Variants in SPAG16 observed in about 807,000 individuals in gnomAD.
SPAG16 encodes the protein sperm associated antigen 16.
Under a neutral mutation model 80.4 loss-of-function variants are expected in SPAG16, and 86 were observed. The ratio of observed to expected loss-of-function variants is 1.07; its 90% confidence interval spans 0.90 to 1.28. The LOEUF (loss-of-function observed/expected upper bound fraction) is 1.28. SPAG16 is among the 50% of genes most tolerant of loss of function. The pLI, the probability that SPAG16 is intolerant of heterozygous loss-of-function variation, is 0.00. For missense variants in SPAG16, 870 were observed against 765.3 expected, an observed-to-expected ratio of 1.14 and a Z score of -1.61; for synonymous variants, 294 against 265.9, an observed-to-expected ratio of 1.11 and a Z score of -1.03.
intron 10 of SPAG16, among the ~76,000 whole-genome samples, chr2:213,507,410 G>C (rs1378293939): frequency 6.6e-6 from 1 of 152,174 alleles, no homozygotes; most frequent in African/African-American, 2.4e-5. Flanking sequence ...AATATACTCA[G>C]AACGTTGTTC....
chr2:213,957,047 T>C (rs1170043005), intron 12 of SPAG16, among the ~76,000 whole-genome samples: 1 of 152,152 alleles, frequency 6.6e-6, no homozygotes, highest in Non-Finnish European at 1.5e-5. Flanking sequence ...GCCTAAAATA[T>C]GGTCTATCCT....
intron 10 of SPAG16, among the ~76,000 whole-genome samples, chr2:213,776,835 C>CCT (rs1559460237): frequency 7.9e-6 from 1 of 126,820 alleles, no homozygotes; most frequent in Non-Finnish European, 1.6e-5. Flanking sequence ...CACCCCCCCC[C>CCT]CACCCCAGGA....
At chr2:213,318,874 A>G in intron 5 of SPAG16, among the ~76,000 whole-genome samples, 1 of 152,018 alleles carries the variant, frequency 6.6e-6, no homozygotes, top group Middle Eastern at 3.4e-3. Context: ...TCTAACTTAA[A>G]AGAAAATTAC....
rs2045640797 is a variant in SPAG16 at position 213,980,280 on chromosome 2, ATAGAATATATGTGTGTATATATATTCTCT to A, written c.1401-33670_1401-33642del. Among the ~76,000 whole-genome samples the A allele has an allele frequency of 2.3e-4, 12 of 52,322 alleles. 3 individuals are homozygous for A. Among genetic ancestry groups the A allele is most frequent in the African/African-American group, 6.4e-4 (5 of 7,824 alleles). The allele number at this position is 52,322 out of a possible 152,430, so 34.3% of individuals were successfully genotyped here. The stretch of plus-strand genomic sequence containing the variant: ...GTGTGTATATATATTCTCTATATAT[ATAGAATATATGTGTGTATATATATTCTCT>A]ATATATATAGAATATATGTGTGTAT... On this transcript the variant is annotated intron_variant, in intron 12 of 15. Coordinates refer to ENST00000331683, the MANE Select transcript of SPAG16 (RefSeq NM_024532.5).
At chr2:213,778,969 T>C (rs2069774891) in intron 10 of SPAG16, among the ~76,000 whole-genome samples, 1 of 152,204 alleles carries the variant, frequency 6.6e-6, no homozygotes, top group African/African-American at 2.4e-5. Flanking sequence ...CCATATTTCA[T>C]TTTATTCTCA....
At chr2:214,222,655 G>A (rs1477359975) in intron 15 of SPAG16, among the ~76,000 whole-genome samples, 1 of 152,138 alleles carries the variant, frequency 6.6e-6, no homozygotes, top group East Asian at 1.9e-4. Flanking sequence ...TGCTAGCAAT[G>A]TAATTATCAT....
At chr2:214,263,804 A>G (rs929408918) in intron 15 of SPAG16, among the ~76,000 whole-genome samples, 1 of 152,236 alleles carries the variant, frequency 6.6e-6, no homozygotes, top group Non-Finnish European at 1.5e-5. Context: ...GTATGCAATT[A>G]AAACAGAGAG....
chr2:214,407,028 A>G (rs969785730), intron 15 of SPAG16, among the ~76,000 whole-genome samples: 4 of 152,134 alleles, frequency 2.6e-5, no homozygotes, highest in Non-Finnish European at 5.9e-5. Flanking sequence ...CCATTCTGTG[A>G]AAAGTATGAC....
intron 15 of SPAG16, among the ~76,000 whole-genome samples, chr2:214,180,529 T>A (rs925123101): frequency 2.6e-5 from 4 of 151,676 alleles, no homozygotes; most frequent in Non-Finnish European, 5.9e-5. Flanking sequence ...TCCATCTTAT[T>A]TAATTACCAA....
chr2:213,671,124 A>G (rs1284884671), intron 10 of SPAG16, among the ~76,000 whole-genome samples: 1 of 152,246 alleles, frequency 6.6e-6, no homozygotes, highest in Non-Finnish European at 1.5e-5. Flanking sequence ...TGGAATAGTC[A>G]CTTTGATAAT....
chr2:214,099,775 G>T (rs1236918402), intron 13 of SPAG16, among the ~76,000 whole-genome samples: 2 of 152,002 alleles, frequency 1.3e-5, no homozygotes, highest in African/African-American at 4.8e-5. Context: ...ATAAAATATA[G>T]TTAATAAAAA....
At chr2:213,872,765 A>G (rs1401751974) in intron 11 of SPAG16, among the ~76,000 whole-genome samples, 1 of 152,060 alleles carries the variant, frequency 6.6e-6, no homozygotes, top group Non-Finnish European at 1.5e-5. Flanking sequence ...GTTTATTTCT[A>G]TTTCTAGTCG....
At chr2:213,946,335 G>GTCCAAT (rs2079466559) in intron 12 of SPAG16, among the ~76,000 whole-genome samples, 51 of 151,362 alleles carry the variant, frequency 3.4e-4, no homozygotes, top group African/African-American at 9.5e-4. Context: ...GGCTGGTCTT[G>GTCCAAT]AACTCCTGAC....
At chr2:214,053,484 C>A (rs958774535) in intron 13 of SPAG16, among the ~76,000 whole-genome samples, 3 of 152,110 alleles carry the variant, frequency 2.0e-5, no homozygotes, top group Non-Finnish European at 2.9e-5. Context: ...ATGAGGACTT[C>A]TGTGTAGTCT....
intron 9 of SPAG16, among the ~76,000 whole-genome samples, chr2:213,481,937 TG>T (rs1338383129): frequency 4.6e-5 from 7 of 152,200 alleles, no homozygotes; most frequent in African/African-American, 1.7e-4. Flanking sequence ...AGAACATCAC[TG>T]AAATACATAC....
At chr2:214,363,791 A>C (rs537580860) in intron 15 of SPAG16, among the ~76,000 whole-genome samples, 1 of 152,226 alleles carries the variant, frequency 6.6e-6, no homozygotes, top group Non-Finnish European at 1.5e-5. Flanking sequence ...AGTTGGTGTT[A>C]GCTAATTTCT....
chr2:213,736,244 GATA>G (rs905534464), intron 10 of SPAG16, among the ~76,000 whole-genome samples: 5 of 152,072 alleles, frequency 3.3e-5, no homozygotes, highest in African/African-American at 1.2e-4. Flanking sequence ...TCATAATAAA[GATA>G]ATGATGATGA....
chr2:214,152,840 A>G (rs1216798168), intron 15 of SPAG16, among the ~76,000 whole-genome samples: 3 of 152,140 alleles, frequency 2.0e-5, no homozygotes, highest in Non-Finnish European at 4.4e-5. Context: ...GGGAGAGGAG[A>G]CAGAGAGAAA....
intron 7 of SPAG16, among the ~76,000 whole-genome samples, chr2:213,358,073 C>T (rs191383956): frequency 1.6e-4 from 24 of 152,130 alleles, no homozygotes; most frequent in Admixed American, 9.2e-4. Context: ...TTAAGAGTGT[C>T]GAATATTGGC....
Sources: allele counts gnomAD v4.1 joint callset (sites outside exome capture counted in the v4.1 genomes callset), GRCh38; gene constraint gnomAD v4.1.1; transcripts MANE v1.5; gene names NCBI Gene and HGNC (gene_info 2026-07-23, HGNC 2026-07-21).